Variants in AP1B1 observed in about 807,000 individuals in gnomAD.
AP1B1 encodes the protein adaptor related protein complex 1 subunit beta 1, also known as AP-1 complex subunit beta-1.
AP1B1 carries 36 observed loss-of-function variants against 104.3 expected under a neutral mutation model. That is an observed-to-expected ratio of 0.35 (90% CI 0.26 to 0.46). The LOEUF is 0.46. Among genes scored for constraint, AP1B1 ranks in the 20% least tolerant of loss-of-function variants. AP1B1 has a pLI of 1.00. For synonymous variants in AP1B1, 504 were observed against 517.5 expected (o/e 0.97, Z 0.35); for missense variants, 901 against 1,247.9 (o/e 0.72, Z 4.19).
chr22:29,338,776 C>T (rs775327109), intron 16 of AP1B1, among the ~76,000 whole-genome samples: 1 of 152,174 alleles, frequency 6.6e-6, no homozygotes, highest in African/African-American at 2.4e-5. Context: ...CGCTTTTGTT[C>T]AGCTACTGAG....
chr22:29,345,486 C>T (rs1427366818), intron 11 of AP1B1, among the ~76,000 whole-genome samples: 1 of 149,810 alleles, frequency 6.7e-6, no homozygotes, highest in Admixed American at 6.7e-5. Context: ...ATCCTCCCAC[C>T]TAGGCCTCCC....
rs2061962405 is a variant in AP1B1 at position 29,356,621 on chromosome 22, T to A, written c.526-5A>T. On this transcript the variant is annotated splice_region_variant and splice_polypyrimidine_tract_variant and intron_variant, in intron 5 of 22. Transcript: ENST00000357586. ...TGCCACTGCATTGGCCACCACCTGG[T>A]TGAGAGGGTGGGAGGGGCAGAGGCT... The A allele has an allele frequency of 8.7e-6, 14 of 1,613,194 alleles. No homozygotes were observed. Among genetic ancestry groups the A allele is most frequent in the Non-Finnish European group, 1.1e-5 (13 of 1,179,530 alleles).
chr22:29,354,613 G>A (rs199562087), intron 7 of AP1B1, 37 bp downstream of exon 7: 2 of 1,586,750 alleles, frequency 1.3e-6, no homozygotes, highest in East Asian at 2.2e-5. Context: ...GGCTCCCCGA[G>A]GGGTACGCAT....
rs2061528281 is a variant in AP1B1 at position 29,329,700 on chromosome 22, C to CG, written c.2775+11dup. Reference sequence around the variant, plus strand: ...GGAGGGCGGACGGGGAAAGAGAAAGCGATCTGCTAACCTCTAAGTCCTGCA... The same window carrying CG: ...GGAGGGCGGACGGGGAAAGAGAAAGCGGATCTGCTAACCTCTAAGTCCTGCA... On this transcript the variant is annotated intron_variant, in intron 22 of 22. Coordinates refer to ENST00000357586, the MANE Select transcript of AP1B1 (RefSeq NM_001127.4). 6.2e-7 allele frequency: 1 copy of CG among 1,613,330 alleles called. No individual in the cohort carries two copies. The highest frequency in any genetic ancestry group is 1.7e-5 in the Admixed American group (1 of 59,928).
intron 16 of AP1B1, among the ~76,000 whole-genome samples, chr22:29,337,369 G>A (rs184295150): frequency 5.3e-5 from 8 of 152,310 alleles, no homozygotes; most frequent in African/African-American, 1.7e-4. Flanking sequence ...ACTAGTGTCC[G>A]AGTTGCTGTC....
At chr22:29,354,253 A>T (rs971478743) in intron 7 of AP1B1, among the ~76,000 whole-genome samples, 1 of 152,228 alleles carries the variant, frequency 6.6e-6, no homozygotes, top group Non-Finnish European at 1.5e-5. Context: ...GACTATGAAG[A>T]CAATATCTAG....
chr22:29,350,859 C>T (rs2061863448), intron 9 of AP1B1, among the ~76,000 whole-genome samples: 1 of 152,188 alleles, frequency 6.6e-6, no homozygotes, highest in South Asian at 2.1e-4. Context: ...AGGGCCCTTA[C>T]CCCAGAGCTC....
chr22:29,334,123 G>T, intron 17 of AP1B1, 142 bp downstream of exon 17: 2 of 960,478 alleles, frequency 2.1e-6, no homozygotes, highest in Non-Finnish European at 3.0e-6. Flanking sequence ...CCTGAGCGGT[G>T]GTGGGGAACA....
At chr22:29,334,625 C>G (rs1006204389) in intron 16 of AP1B1, among the ~76,000 whole-genome samples, 1 of 152,226 alleles carries the variant, frequency 6.6e-6, no homozygotes, top group African/African-American at 2.4e-5. Context: ...GGCTGCCTCT[C>G]GGAGCAGCTC....
chr22:29,337,759 C>G (rs2061658571), intron 16 of AP1B1, among the ~76,000 whole-genome samples: 1 of 152,188 alleles, frequency 6.6e-6, no homozygotes, highest in Non-Finnish European at 1.5e-5. Flanking sequence ...CGGCTCCTCC[C>G]TCCCAGGGAG....
rs919630745 is a variant in AP1B1, at chr22:29,354,594, A to G, written c.938+56T>C. 6.8e-5 allele frequency: 105 copies of G among 1,537,330 alleles called. No homozygotes were observed. The Admixed American group carries it at 1.7e-3, about 25-fold the overall frequency. ...GTTTCCTTTGAGAGCCCCCATTCCCAGCAGAAGAGGCTCCCCGAGGGGTAC... is the reference window on the plus strand; with the variant it reads ...GTTTCCTTTGAGAGCCCCCATTCCCGGCAGAAGAGGCTCCCCGAGGGGTAC... On this transcript the variant is annotated intron_variant, in intron 7 of 22. Coordinates refer to ENST00000357586, the MANE Select transcript of AP1B1 (RefSeq NM_001127.4).
chr22:29,337,263 G>T (rs1437782857), intron 16 of AP1B1, among the ~76,000 whole-genome samples: 1 of 152,206 alleles, frequency 6.6e-6, no homozygotes, highest in African/African-American at 2.4e-5. Context: ...TCTCAACCAC[G>T]AAATAGGAGG....
At chr22:29,377,222 GA>G (rs2062359928) in intron 1 of AP1B1, among the ~76,000 whole-genome samples, 1 of 131,640 alleles carries the variant, frequency 7.6e-6, no homozygotes, top group African/African-American at 2.8e-5. Flanking sequence ...AAAAAAAAAG[GA>G]AAAAGGTCCT....
intron 11 of AP1B1, among the ~76,000 whole-genome samples, chr22:29,347,746 C>G (rs911024740): frequency 6.6e-6 from 1 of 152,196 alleles, no homozygotes; most frequent in Admixed American, 6.5e-5. Context: ...AGAGGGCAAT[C>G]CCAGCATCTG....
chr22:29,386,738 C>T (rs1305332888), intron 1 of AP1B1, among the ~76,000 whole-genome samples: 1 of 152,178 alleles, frequency 6.6e-6, no homozygotes. Flanking sequence ...TTCACAGGTT[C>T]ATACCCCTAG....
chr22:29,366,791 C>G (rs1392381048), intron 2 of AP1B1, among the ~76,000 whole-genome samples: 1 of 150,500 alleles, frequency 6.6e-6, no homozygotes, highest in Non-Finnish European at 1.5e-5. Flanking sequence ...ATGAGTGAAA[C>G]TCCGTCTCAA....
chr22:29,379,396 AT>A (rs1191726591), intron 1 of AP1B1, among the ~76,000 whole-genome samples: 2 of 152,194 alleles, frequency 1.3e-5, no homozygotes, highest in African/African-American at 4.8e-5. Context: ...CAATACTTAA[AT>A]TAATCGAGAT....
intron 7 of AP1B1, 40 bp downstream of exon 7, chr22:29,354,610 C>T (rs775517945): frequency 5.2e-5 from 82 of 1,588,880 alleles, no homozygotes; most frequent in Non-Finnish European, 6.5e-5. Context: ...AGAGGCTCCC[C>T]GAGGGGTACG....
At chr22:29,351,391 A>G (rs2061872279) in intron 8 of AP1B1, 125 bp from the exon 9 acceptor site, 1 of 1,146,618 alleles carries the variant, frequency 8.7e-7, no homozygotes, top group Non-Finnish European at 1.3e-6. Context: ...CTCCAGGTAG[A>G]AGGCCCAAGG....
Sources: gnomAD v4.1 joint callset for allele counts (sites outside exome capture counted in the v4.1 genomes callset) on GRCh38, gnomAD v4.1.1 for gene constraint, MANE v1.5 for transcripts, NCBI Gene and HGNC (gene_info 2026-07-23, HGNC 2026-07-21) for gene names.